Variants in LDLRAD3 observed in about 807,000 individuals in gnomAD.
LDLRAD3 encodes the protein low density lipoprotein receptor class A domain containing 3.
Under a neutral mutation model 29.4 loss-of-function variants are expected in LDLRAD3, and 20 were observed. That is an observed-to-expected ratio of 0.68 (90% CI 0.48 to 0.99). The LOEUF (loss-of-function observed/expected upper bound fraction) is 0.99, where lower values mean the gene tolerates loss of function less well. Ranked by LOEUF, LDLRAD3 falls within the 50% of genes least tolerant of loss-of-function variation. The pLI, the probability that LDLRAD3 is intolerant of heterozygous loss-of-function variation, is 0.00. For missense variants in LDLRAD3, 420 were observed against 454.3 expected (o/e 0.92, Z 0.69); for synonymous variants, 157 against 192.7 (o/e 0.81, Z 1.53).
intron 1 of LDLRAD3, among the ~76,000 whole-genome samples, chr11:35,956,621 A>G (rs924327042): frequency 1.3e-5 from 2 of 152,240 alleles, no homozygotes; most frequent in African/African-American, 4.8e-5. Context: ...TAGGTTTCTT[A>G]AACTTTTTAA....
chr11:36,062,637 G>A (rs190287612), intron 2 of LDLRAD3, among the ~76,000 whole-genome samples: 301 of 152,254 alleles, frequency 2.0e-3, no homozygotes, highest in African/African-American at 6.7e-3. Context: ...TAATCATGGG[G>A]GTGGTTACCT....
At chr11:36,077,770 G>A (rs1326250998) in intron 2 of LDLRAD3, among the ~76,000 whole-genome samples, 1 of 152,202 alleles carries the variant, frequency 6.6e-6, no homozygotes, top group Non-Finnish European at 1.5e-5. Flanking sequence ...TCCTAGGTCT[G>A]GGCTCCCCAA....
At chr11:36,031,040 C>T (rs1010998357) in intron 1 of LDLRAD3, among the ~76,000 whole-genome samples, 4 of 151,946 alleles carry the variant, frequency 2.6e-5, no homozygotes, top group African/African-American at 7.3e-5. Flanking sequence ...GCTTCTGCAG[C>T]AGGCTGTTTG....
intron 1 of LDLRAD3, among the ~76,000 whole-genome samples, chr11:35,953,030 A>G (rs1424478295): frequency 6.6e-6 from 1 of 152,220 alleles, no homozygotes; most frequent in Non-Finnish European, 1.5e-5. Flanking sequence ...ACAGGCCTGT[A>G]AAGTGTTAGC....
intron 4 of LDLRAD3, among the ~76,000 whole-genome samples, chr11:36,147,682 T>G (rs1418894415): frequency 6.6e-6 from 1 of 152,190 alleles, no homozygotes; most frequent in Non-Finnish European, 1.5e-5. Flanking sequence ...TATCTCCTCA[T>G]GGGGCTGTGG....
At chr11:36,142,793 T>C (rs1854105870) in intron 4 of LDLRAD3, among the ~76,000 whole-genome samples, 1 of 152,178 alleles carries the variant, frequency 6.6e-6, no homozygotes, top group Non-Finnish European at 1.5e-5. Flanking sequence ...TTCCAGGTTA[T>C]CTAAAGGAGC....
chr11:36,125,504 G>C (rs1853823162), intron 4 of LDLRAD3, among the ~76,000 whole-genome samples: 1 of 152,186 alleles, frequency 6.6e-6, no homozygotes, highest in Non-Finnish European at 1.5e-5. Flanking sequence ...AAAATCATTA[G>C]CACATAGTAG....
intron 4 of LDLRAD3, among the ~76,000 whole-genome samples, chr11:36,170,313 C>CGTATATACGTATATAT (rs1554970617): frequency 6.9e-6 from 1 of 145,552 alleles, no homozygotes; most frequent in South Asian, 2.1e-4. Context: ...TACATATATA[C>CGTATATACGTATATAT]GTATATATGT....
intron 4 of LDLRAD3, among the ~76,000 whole-genome samples, chr11:36,125,019 G>A (rs1426064429): frequency 6.6e-6 from 1 of 152,026 alleles, no homozygotes; most frequent in African/African-American, 2.4e-5. Flanking sequence ...TGTTACCTCT[G>A]CCTAGAACTG....
intron 4 of LDLRAD3, among the ~76,000 whole-genome samples, chr11:36,176,145 A>C (rs750334447): frequency 6.6e-6 from 1 of 152,086 alleles, no homozygotes; most frequent in Admixed American, 6.6e-5. Flanking sequence ...CCATTTGCAT[A>C]GACTGTCTTT....
intron 1 of LDLRAD3, among the ~76,000 whole-genome samples, chr11:36,035,751 T>G (rs1353306322): frequency 6.6e-6 from 1 of 152,210 alleles, no homozygotes; most frequent in Non-Finnish European, 1.5e-5. Context: ...AGTCCAGTGC[T>G]CACTCCTGTC....
intron 2 of LDLRAD3, among the ~76,000 whole-genome samples, chr11:36,050,456 G>T (rs1368595483): frequency 6.6e-6 from 1 of 152,202 alleles, no homozygotes; most frequent in African/African-American, 2.4e-5. Context: ...GGATGACAGG[G>T]AGCAGATGGC....
chr11:35,975,167 G>A (rs1392952845), intron 1 of LDLRAD3, among the ~76,000 whole-genome samples: 1 of 152,124 alleles, frequency 6.6e-6, no homozygotes, highest in African/African-American at 2.4e-5. Context: ...GATAACCTAG[G>A]AACTGCTTGG....
chr11:36,146,467 A>G lies in LDLRAD3; in HGVS notation c.454+48006A>G, dbSNP rs11033463. Among the ~76,000 whole-genome samples the G allele has an allele frequency of 2.7e-3, 405 of 152,322 alleles. 2 individuals carry two copies. The highest frequency in any genetic ancestry group is 9.3e-3 in the African/African-American group (386 of 41,570). ...ATAAGCTGCTTCTACATATCATAGT[A>G]TATTGTATATTGGTTTCCTCAGGCT... On this transcript the variant is annotated intron_variant, in intron 4 of 5. Transcript: ENST00000315571.
At chr11:36,185,054 T>G (rs2133360484) in intron 4 of LDLRAD3, among the ~76,000 whole-genome samples, 1 of 152,276 alleles carries the variant, frequency 6.6e-6, no homozygotes, top group Middle Eastern at 3.4e-3. Context: ...TAGAATTAGG[T>G]TTTTTCCCCA....
chr11:36,159,409 C>T (rs184041657), intron 4 of LDLRAD3, among the ~76,000 whole-genome samples: 14 of 151,470 alleles, frequency 9.2e-5, no homozygotes, highest in South Asian at 4.2e-4. Context: ...GTTGATTCTG[C>T]GGTGAGCCGT....
intron 4 of LDLRAD3, among the ~76,000 whole-genome samples, chr11:36,170,886 C>T (rs1854589721): frequency 6.6e-6 from 1 of 151,730 alleles, no homozygotes; most frequent in East Asian, 1.9e-4. Context: ...ACTGAAACCT[C>T]CGCCTCCTGA....
intron 1 of LDLRAD3, among the ~76,000 whole-genome samples, chr11:36,027,649 GC>G (rs1169426260): frequency 2.0e-5 from 3 of 152,162 alleles, no homozygotes; most frequent in Non-Finnish European, 4.4e-5. Flanking sequence ...TTCCTTATTT[GC>G]CCTGCCTGGA....
chr11:36,049,714 G>A (rs1305190939), intron 2 of LDLRAD3, among the ~76,000 whole-genome samples: 1 of 151,564 alleles, frequency 6.6e-6, no homozygotes, highest in African/African-American at 2.4e-5. Context: ...TACATTGCAA[G>A]TATTCCATGT....
Sources: allele counts gnomAD v4.1 joint callset (sites outside exome capture counted in the v4.1 genomes callset), GRCh38; gene constraint gnomAD v4.1.1; transcripts MANE v1.5; gene names NCBI Gene and HGNC (gene_info 2026-07-23, HGNC 2026-07-21).